AGMO: variants seen among roughly 807,000 people sequenced by gnomAD.
AGMO encodes the protein glyceryl-ether monooxygenase.
Under a neutral mutation model 60.2 loss-of-function variants are expected in AGMO, and 75 were observed. The observed-to-expected ratio is 1.25, with a 90% CI of 1.03 to 1.51. AGMO has a LOEUF of 1.51. Among genes scored for constraint, AGMO ranks in the 40% most tolerant of loss-of-function variants. The pLI is 0.00. For missense variants in AGMO, 763 were observed against 525.5 expected, an observed-to-expected ratio of 1.45 and a Z score of -4.42; for synonymous variants, 261 against 177.1, an observed-to-expected ratio of 1.47 and a Z score of -3.76.
At chr7:15,125,443 G>C in the AGMO span, among the ~76,000 whole-genome samples, 2 of 152,166 alleles carry the variant, frequency 1.3e-5, no homozygotes, top group Non-Finnish European at 2.9e-5. Context: ...GACTGATTTT[G>C]ATATAAAAAT....
intron 3 of AGMO, among the ~76,000 whole-genome samples, chr7:15,531,315 TAC>T (rs1456994010): frequency 1.2e-5 from 1 of 83,690 alleles, no homozygotes; most frequent in Non-Finnish European, 2.0e-5. Flanking sequence ...ATATATTCTA[TAC>T]ATATATTCTA....
At chr7:15,344,102 A>C (rs1781950575) in intron 12 of AGMO, among the ~76,000 whole-genome samples, 1 of 152,166 alleles carries the variant, frequency 6.6e-6, no homozygotes, top group African/African-American at 2.4e-5. Context: ...AGAGTAAATC[A>C]AGAATTTCTT....
chr7:15,273,580 G>A (rs1266748593), intron 12 of AGMO, among the ~76,000 whole-genome samples: 5 of 152,092 alleles, frequency 3.3e-5, no homozygotes, highest in African/African-American at 1.2e-4. Context: ...TGTTCTTTTG[G>A]CTTAGGATTG....
chr7:15,293,824 T>C (rs1204308463), intron 12 of AGMO, among the ~76,000 whole-genome samples: 4 of 152,200 alleles, frequency 2.6e-5, no homozygotes, highest in African/African-American at 9.6e-5. Flanking sequence ...TCATCCCCAA[T>C]TTTAAATACT....
intron 3 of AGMO, among the ~76,000 whole-genome samples, chr7:15,541,308 G>C (rs1784624757): frequency 6.6e-6 from 1 of 152,008 alleles, no homozygotes; most frequent in African/African-American, 2.4e-5. Context: ...TTTTAGTAGA[G>C]ACAAGGTTTC....
intron 12 of AGMO, among the ~76,000 whole-genome samples, chr7:15,240,118 G>C (rs1376680113): frequency 6.6e-6 from 1 of 151,954 alleles, no homozygotes; most frequent in Non-Finnish European, 1.5e-5. Context: ...TACATCAAAG[G>C]GGTAATATAA....
the AGMO span, among the ~76,000 whole-genome samples, chr7:15,148,693 G>T: frequency 2.6e-5 from 4 of 152,084 alleles, no homozygotes; most frequent in Non-Finnish European, 4.4e-5. Flanking sequence ...TGGTGTATAC[G>T]TAGCATATTT....
intron 5 of AGMO, among the ~76,000 whole-genome samples, chr7:15,402,653 T>TAAA (rs1784583208): frequency 2.7e-5 from 4 of 147,350 alleles, no homozygotes; most frequent in African/African-American, 7.4e-5. Context: ...TATATTAACC[T>TAAA]TATTAAATAT....
chr7:15,365,434 A>T (rs1782935813), intron 12 of AGMO, 80 bp downstream of exon 12: 4 of 728,224 alleles, frequency 5.5e-6, no homozygotes, highest in Admixed American at 5.4e-5. Flanking sequence ...GAAATGAAGT[A>T]GAGAAAACAT....
At chr7:15,141,940 T>C in the AGMO span, among the ~76,000 whole-genome samples, 2 of 152,220 alleles carry the variant, frequency 1.3e-5, no homozygotes, top group Non-Finnish European at 2.9e-5. Context: ...GAAAGGTCAC[T>C]TCAGCCAGCA....
chr7:15,235,216 A>G (rs1030690053), intron 12 of AGMO, among the ~76,000 whole-genome samples: 1 of 152,076 alleles, frequency 6.6e-6, no homozygotes, highest in Admixed American at 6.6e-5. Flanking sequence ...TAATATATAT[A>G]TATCTAAACA....
At chr7:15,252,550 A>G (rs1307568863) in intron 12 of AGMO, among the ~76,000 whole-genome samples, 1 of 152,222 alleles carries the variant, frequency 6.6e-6, no homozygotes, top group Non-Finnish European at 1.5e-5. Flanking sequence ...AGAGGCTCTC[A>G]CTCTAATCCT....
intron 12 of AGMO, among the ~76,000 whole-genome samples, chr7:15,298,472 G>A (rs1784466522): frequency 1.3e-5 from 2 of 152,088 alleles, no homozygotes; most frequent in Non-Finnish European, 2.9e-5. Context: ...ATGGCTCACT[G>A]CAGCCTTGAC....
chr7:15,376,687 G>A (rs1258176454), intron 10 of AGMO, among the ~76,000 whole-genome samples: 2 of 151,946 alleles, frequency 1.3e-5, no homozygotes, highest in African/African-American at 4.8e-5. Context: ...TTCAATTTTA[G>A]TTTGTAGAAC....
At chr7:15,279,203 A>G (rs766554498) in intron 12 of AGMO, among the ~76,000 whole-genome samples, 2 of 152,130 alleles carry the variant, frequency 1.3e-5, no homozygotes, top group Non-Finnish European at 2.9e-5. Context: ...GCAGAAGTGT[A>G]GAACCCTGGG....
intron 3 of AGMO, among the ~76,000 whole-genome samples, chr7:15,469,890 T>A (rs1327332284): frequency 6.6e-6 from 1 of 151,958 alleles, no homozygotes; most frequent in East Asian, 1.9e-4. Context: ...GAGACTAGGA[T>A]GATTGTCATG....
In AGMO at chr7:15,358,919, G is replaced by A. The variant is rs187748902; in HGVS notation, c.1263+6595C>T. On this transcript the variant is annotated intron_variant, in intron 12 of 12. Coordinates refer to ENST00000342526, the MANE Select transcript of AGMO (RefSeq NM_001004320.2). ...GGGTTGGGATGGAAATGATAGAAGC[G>A]ATTTTAACAATGGCATTAAGATAAA... Among the ~76,000 whole-genome samples, 340 of 152,212 alleles carry A rather than the reference G, an allele frequency of 2.2e-3. 2 individuals are homozygous for A. The highest frequency in any genetic ancestry group is 7.5e-3 in the African/African-American group (313 of 41,514).
intron 12 of AGMO, among the ~76,000 whole-genome samples, chr7:15,357,684 G>C (rs1782590852): frequency 6.6e-6 from 1 of 152,200 alleles, no homozygotes; most frequent in Non-Finnish European, 1.5e-5. Flanking sequence ...TGGCCCACTA[G>C]AGGGTGAGAG....
rs757230298 is a variant in AGMO, at chr7:15,201,271, T to G, written c.*14A>C. 6.3e-7 allele frequency: 1 copy of G among 1,585,760 alleles called. No individual in the cohort carries two copies. Among genetic ancestry groups the G allele is most frequent in the Non-Finnish European group, 8.6e-7 (1 of 1,159,374 alleles). On this transcript the variant is annotated 3_prime_UTR_variant, in exon 13 of 13. Transcript: ENST00000342526. ...ACAACTCATTAAAAGAAGAGAATTA[T>G]GTACAAATTCAGGTTATTTCCAAGG...
Sources: gnomAD v4.1 joint callset for allele counts (sites outside exome capture counted in the v4.1 genomes callset) on GRCh38, gnomAD v4.1.1 for gene constraint, MANE v1.5 for transcripts, NCBI Gene and HGNC (gene_info 2026-07-23, HGNC 2026-07-21) for gene names.